Variants in ARHGAP10 observed in about 807,000 individuals in gnomAD.
ARHGAP10 encodes rho GTPase-activating protein 10.
ARHGAP10 carries 87 observed loss-of-function variants against 108.6 expected under a neutral mutation model. The ratio of observed to expected loss-of-function variants is 0.80; its 90% confidence interval spans 0.67 to 0.96. ARHGAP10 has a LOEUF of 0.96. Ranked by LOEUF, ARHGAP10 falls within the 40% of genes least tolerant of loss-of-function variation. The probability of loss-of-function intolerance (pLI) is 0.00; values close to 1 mark genes in which losing one functional copy is unlikely to be tolerated. For synonymous variants in ARHGAP10, 347 were observed against 341.1 expected (o/e 1.02, Z -0.19); for missense variants, 939 against 954.5 (o/e 0.98, Z 0.21).
At chr4:147,974,837 T>C (rs1053445484) in intron 18 of ARHGAP10, among the ~76,000 whole-genome samples, 7 of 152,148 alleles carry the variant, frequency 4.6e-5, no homozygotes, top group Admixed American at 3.9e-4. Flanking sequence ...GGGAAAGGCA[T>C]ATCTTACATG....
At chr4:147,760,191 T>C (rs771799115) in intron 1 of ARHGAP10, among the ~76,000 whole-genome samples, 23 of 152,058 alleles carry the variant, frequency 1.5e-4, no homozygotes, top group Non-Finnish European at 3.1e-4. Flanking sequence ...GGGAGGATAA[T>C]ACGCAGTATC....
At chr4:147,940,016 A>G in intron 14 of ARHGAP10, 117 bp downstream of exon 14, 1 of 1,022,880 alleles carries the variant, frequency 9.8e-7, no homozygotes, top group Non-Finnish European at 1.5e-6. Flanking sequence ...TCTACTTTCT[A>G]CAGGAGTTTT....
At chr4:148,069,910 G>T (rs1386666544) in intron 22 of ARHGAP10, among the ~76,000 whole-genome samples, 2 of 152,168 alleles carry the variant, frequency 1.3e-5, no homozygotes, top group Non-Finnish European at 2.9e-5. Flanking sequence ...ACTGCCAGCT[G>T]GGGTGTTTGG....
In ARHGAP10 at chr4:147,827,501, G is replaced by A. The variant is rs575512259; in HGVS notation, c.312+4544G>A. Among the ~76,000 whole-genome samples the A allele has an allele frequency of 4.9e-4, 75 of 152,320 alleles. No homozygotes were observed. In the South Asian group the frequency reaches 9.9e-3, roughly 20 times the overall value. On this transcript the variant is annotated intron_variant, in intron 3 of 22. Transcript: ENST00000336498. ...TGTTAGGAAAGGGTTTATGGAAGAA[G>A]TATTGGAGCTAGAGTTTGTGGGGTG... is the stretch of plus-strand genomic sequence containing the variant.
At chr4:148,070,458 C>A (rs771373676) in intron 22 of ARHGAP10, among the ~76,000 whole-genome samples, 26 of 152,182 alleles carry the variant, frequency 1.7e-4, no homozygotes, top group Non-Finnish European at 3.2e-4. Context: ...GAGGGAAGAA[C>A]AAACAGTTAC....
At chr4:148,036,510 G>T (rs1263851235) in intron 19 of ARHGAP10, among the ~76,000 whole-genome samples, 1 of 152,206 alleles carries the variant, frequency 6.6e-6, no homozygotes, top group Non-Finnish European at 1.5e-5. Flanking sequence ...GGTTTTATAA[G>T]GGGGCTTTCC....
intron 1 of ARHGAP10, among the ~76,000 whole-genome samples, chr4:147,776,265 G>A (rs143492973): frequency 6.6e-6 from 1 of 152,138 alleles, no homozygotes; most frequent in African/African-American, 2.4e-5. Context: ...TGTCGCCCAG[G>A]CTGGAGTGCA....
intron 7 of ARHGAP10, among the ~76,000 whole-genome samples, chr4:147,870,163 G>C (rs1185569098): frequency 2.6e-5 from 4 of 151,808 alleles, no homozygotes; most frequent in East Asian, 1.9e-4. Context: ...CCATCCTCCT[G>C]CCTGTAGTCC....
At chr4:147,982,174 T>G (rs915446324) in intron 18 of ARHGAP10, among the ~76,000 whole-genome samples, 3 of 152,112 alleles carry the variant, frequency 2.0e-5, no homozygotes, top group Admixed American at 2.0e-4. Context: ...TCTCTTCTGG[T>G]TTATAAAGTT....
intron 1 of ARHGAP10, among the ~76,000 whole-genome samples, chr4:147,752,303 C>T (rs184179111): frequency 3.4e-4 from 52 of 152,022 alleles, no homozygotes; most frequent in Admixed American, 8.5e-4. Flanking sequence ...AGCTTACTTT[C>T]GGGAAATTAA....
At chr4:147,912,729 GC>G (rs1736809885) in intron 12 of ARHGAP10, among the ~76,000 whole-genome samples, 1 of 121,208 alleles carries the variant, frequency 8.3e-6, no homozygotes, top group Non-Finnish European at 1.6e-5. Context: ...ACTCACTGCA[GC>G]CTCTACCTGC....
At chr4:147,783,013 CTA>C (rs1434876562) in intron 1 of ARHGAP10, among the ~76,000 whole-genome samples, 3 of 126,488 alleles carry the variant, frequency 2.4e-5, no homozygotes, top group South Asian at 2.5e-4. Context: ...AAATTATATA[CTA>C]TATGTTAAAT....
chr4:147,827,022 C>G (rs1732735830), intron 3 of ARHGAP10, among the ~76,000 whole-genome samples: 1 of 152,052 alleles, frequency 6.6e-6, no homozygotes, highest in African/African-American at 2.4e-5. Flanking sequence ...TACAAGAATT[C>G]CTGATCCTTT....
intron 5 of ARHGAP10, chr4:147,862,183 C>T (rs1212227365): frequency 6.5e-6 from 1 of 152,700 alleles, no homozygotes; most frequent in Non-Finnish European, 1.5e-5. Flanking sequence ...TTGGGGTTAC[C>T]AGGGGCGCTG....
chr4:147,939,807 G>GT lies in ARHGAP10; in HGVS notation c.1229-15dup. The GT allele has an allele frequency of 6.2e-7, 1 of 1,610,050 alleles. No homozygotes were observed. On this transcript the variant is annotated splice_polypyrimidine_tract_variant and intron_variant, in intron 13 of 22. Transcript: ENST00000336498. ...ATGATAGTCTTCTATTTTGCTAATA[G>GT]TTTGTTTCTTCCCATAGGTATAAAT...
intron 19 of ARHGAP10, among the ~76,000 whole-genome samples, chr4:148,035,628 C>G (rs1005069136): frequency 1.4e-4 from 21 of 152,286 alleles, no homozygotes; most frequent in Admixed American, 3.9e-4. Flanking sequence ...GCCCCTTACC[C>G]TGGATGGCAT....
chr4:148,035,181 GGC>G (rs1728319157), intron 19 of ARHGAP10, among the ~76,000 whole-genome samples: 1 of 152,074 alleles, frequency 6.6e-6, no homozygotes, highest in African/African-American at 2.4e-5. Flanking sequence ...AGCTTTTCCT[GGC>G]ATGTACTTTT....
intron 1 of ARHGAP10, among the ~76,000 whole-genome samples, chr4:147,816,700 T>A (rs1343656396): frequency 6.6e-6 from 1 of 152,228 alleles, no homozygotes; most frequent in African/African-American, 2.4e-5. Flanking sequence ...GTTATTTGCT[T>A]TATTTTTTAA....
At chr4:147,983,427 C>A (rs1435899062) in intron 18 of ARHGAP10, among the ~76,000 whole-genome samples, 2 of 152,068 alleles carry the variant, frequency 1.3e-5, no homozygotes, top group African/African-American at 4.8e-5. Flanking sequence ...GCTCGTGATC[C>A]GCCCGCCTCC....
Sources: allele counts gnomAD v4.1 joint callset (sites outside exome capture counted in the v4.1 genomes callset), GRCh38; gene constraint gnomAD v4.1.1; transcripts MANE v1.5; gene names NCBI Gene and HGNC (gene_info 2026-07-23, HGNC 2026-07-21).